Variants in LCP2 observed in about 807,000 individuals in gnomAD.
LCP2 encodes 76 kDa tyrosine phosphoprotein.
Under a neutral mutation model 74.5 loss-of-function variants are expected in LCP2, and 29 were observed. The observed-to-expected ratio is 0.39, with a 90% CI of 0.29 to 0.53. LCP2 has a LOEUF of 0.53. LCP2 is among the 20% of genes least tolerant of loss of function. The pLI is 0.72. For synonymous variants in LCP2, 228 were observed against 229.5 expected, an observed-to-expected ratio of 0.99 and a Z score of 0.06; for missense variants, 604 against 634.6, an observed-to-expected ratio of 0.95 and a Z score of 0.52.
intron 6 of LCP2, chr5:170,273,861 T>C (rs1664986194): frequency 6.2e-6 from 1 of 161,018 alleles, no homozygotes; most frequent in Non-Finnish European, 1.4e-5. Flanking sequence ...CGATGGGGAC[T>C]TAAGTCCATG....
At chr5:170,259,003 T>A in intron 14 of LCP2, 125 bp from the exon 15 acceptor site, 1 of 649,138 alleles carries the variant, frequency 1.5e-6, no homozygotes, top group Non-Finnish European at 2.7e-6. Context: ...CAGTTATACA[T>A]CTTCATAATA....
rs1761546087 is a variant in LCP2, at chr5:170,256,173, G to A, written c.1150+353C>T. Among the ~76,000 whole-genome samples the A allele has an allele frequency of 6.6e-6, 1 of 152,172 alleles. No homozygotes were observed. The highest frequency in any genetic ancestry group is 1.5e-5 in the Non-Finnish European group (1 of 68,034). On this transcript the variant is annotated intron_variant, in intron 17 of 20. Coordinates refer to ENST00000046794, the MANE Select transcript of LCP2 (RefSeq NM_005565.5). This position sits in a 1 kb window ranked among gnomAD's most constrained non-coding sequence, Gnocchi z 4.5. ...TGTAGGTGTGTCCATGTATGTATGT[G>A]TGTATGCATGTGCATGTGTGTGCAT...
At chr5:170,293,246 T>G in intron 2 of LCP2, 64 bp downstream of exon 2, 4 of 1,511,444 alleles carry the variant, frequency 2.6e-6, no homozygotes, top group South Asian at 2.4e-5. Context: ...CAGTTGGCCC[T>G]GCAGCCATGG....
At position 170,256,579 on chromosome 5, in the gene LCP2, AG is replaced by A. The variant is rs754852074; in HGVS notation, c.1101-5del. ...ACTCTGTGGAAAACTGCTGTTACTG[AG>A]GAGACAGAAAAAGAACAAAATTTAT... is the stretch of plus-strand genomic sequence containing the variant. On this transcript the variant is annotated splice_region_variant and splice_polypyrimidine_tract_variant and intron_variant, in intron 16 of 20. Coordinates refer to ENST00000046794, the MANE Select transcript of LCP2 (RefSeq NM_005565.5). This position sits in a 1 kb window ranked among gnomAD's most constrained non-coding sequence, Gnocchi z 4.5. 1 of 1,609,754 alleles carries A rather than the reference AG, an allele frequency of 6.2e-7. No individual in the cohort carries two copies. Among genetic ancestry groups the A allele is most frequent in the Non-Finnish European group, 8.5e-7 (1 of 1,176,130 alleles).
intron 3 of LCP2, among the ~76,000 whole-genome samples, chr5:170,287,182 TG>T (rs1762196584): frequency 6.6e-6 from 1 of 152,246 alleles, no homozygotes; most frequent in South Asian, 2.1e-4. Flanking sequence ...GGCTTTGCGA[TG>T]GCTACTTTTT....
At chr5:170,281,324 G>C (rs556634566) in intron 3 of LCP2, among the ~76,000 whole-genome samples, 16 of 151,894 alleles carry the variant, frequency 1.1e-4, no homozygotes, top group Non-Finnish European at 2.2e-4. Flanking sequence ...CTGTCCCCCA[G>C]GCTGGAGTGC....
intron 3 of LCP2, chr5:170,287,733 G>T: frequency 3.5e-6 from 2 of 569,596 alleles, no homozygotes; most frequent in Non-Finnish European, 6.3e-6. Flanking sequence ...ATTGGCCAGA[G>T]TTGGGCTTGT....
At chr5:170,262,918 C>T in intron 11 of LCP2, 49 bp downstream of exon 11, 3 of 1,613,986 alleles carry the variant, frequency 1.9e-6, no homozygotes, top group East Asian at 2.2e-5. Flanking sequence ...AGAATAAGGA[C>T]AAGATGTGAA....
At chr5:170,261,225 A>C in intron 13 of LCP2, 88 bp from the exon 14 acceptor site, 1 of 1,013,816 alleles carries the variant, frequency 9.9e-7, no homozygotes, top group Non-Finnish European at 1.5e-6. Context: ...TCATTGAATA[A>C]TGAGAAATCG....
chr5:170,282,799 C>T (rs973412192), intron 3 of LCP2, among the ~76,000 whole-genome samples: 5 of 152,218 alleles, frequency 3.3e-5, no homozygotes, highest in African/African-American at 1.2e-4. Flanking sequence ...CCTCAAGTCT[C>T]ACAGCCTGTG....
chr5:170,276,744 G>A lies in LCP2; in HGVS notation c.189-884C>T, dbSNP rs551282740. ...CTTAGTACCCACTGATGAGACCAGC[G>A]AGACCCTTAGTAGTCAATAGGCTTA... is the stretch of plus-strand genomic sequence containing the variant. On this transcript the variant is annotated intron_variant, in intron 3 of 20. Transcript: ENST00000046794. 1.5e-4 allele frequency among the ~76,000 whole-genome samples: 23 copies of A among 152,210 alleles called. No individual in the cohort carries two copies. The East Asian group carries it at 2.9e-3, about 19-fold the overall frequency.
chr5:170,264,362 C>T (rs984566353), intron 10 of LCP2, among the ~76,000 whole-genome samples: 6 of 152,230 alleles, frequency 3.9e-5, no homozygotes, highest in Admixed American at 1.3e-4. Context: ...TTAGTTAACT[C>T]GCCTTTCTTT....
intron 2 of LCP2, 52 bp downstream of exon 2, chr5:170,293,258 G>A (rs1762319746): frequency 2.6e-6 from 4 of 1,556,328 alleles, no homozygotes; most frequent in East Asian, 2.3e-5. Context: ...CAGCCATGGG[G>A]AAAAGTGCCG....
intron 3 of LCP2, among the ~76,000 whole-genome samples, chr5:170,276,121 A>C (rs1036097586): frequency 3.9e-5 from 6 of 152,112 alleles, no homozygotes; most frequent in African/African-American, 1.4e-4. Context: ...GAGCCTTCCA[A>C]GTCCAGCTCA....
rs779408817 is a variant in LCP2 at position 170,268,374 on chromosome 5, A to T, written c.621+11T>A. 50 of 545,924 alleles carry T rather than the reference A, an allele frequency of 9.2e-5. No individual in the cohort carries two copies. The highest frequency in any genetic ancestry group is 1.1e-4 in the Non-Finnish European group (46 of 406,638). The allele number at this position is 545,924 out of a possible 1,614,324, so 33.8% of individuals were successfully genotyped here. On this transcript the variant is annotated intron_variant, in intron 8 of 20. Transcript: ENST00000046794. ...ACACCAAGTACTGTAAAAGAACGGG[A>T]GGAGGCCTACCGAGTGATTCCGGCC... is the stretch of plus-strand genomic sequence containing the variant.
At chr5:170,283,769 G>A (rs553961841) in intron 3 of LCP2, among the ~76,000 whole-genome samples, 6 of 152,064 alleles carry the variant, frequency 3.9e-5, no homozygotes, top group Non-Finnish European at 5.9e-5. Flanking sequence ...CCCCACTGCC[G>A]CTCCACCAGG....
At chr5:170,257,829 T>C (rs1761582744) in intron 16 of LCP2, among the ~76,000 whole-genome samples, 1 of 152,064 alleles carries the variant, frequency 6.6e-6, no homozygotes, top group Non-Finnish European at 1.5e-5. Flanking sequence ...TCCTCACCCC[T>C]CTCACCTCAA....
chr5:170,269,086 C>T (rs1761841934), intron 7 of LCP2, among the ~76,000 whole-genome samples: 1 of 152,210 alleles, frequency 6.6e-6, no homozygotes, highest in Non-Finnish European at 1.5e-5. Context: ...GACACTTCCT[C>T]ATTTTGCTCA....
chr5:170,279,185 A>G (rs967638193), intron 3 of LCP2, among the ~76,000 whole-genome samples: 1 of 152,140 alleles, frequency 6.6e-6, no homozygotes, highest in African/African-American at 2.4e-5. Context: ...TGTTTAAGGG[A>G]CTAGCTGGCC....
Sources: gnomAD v4.1 joint callset for allele counts (sites outside exome capture counted in the v4.1 genomes callset) on GRCh38, gnomAD v4.1.1 for gene constraint, Gnocchi (gnomAD v3.1) non-coding constraint, MANE v1.5 for transcripts, NCBI Gene and HGNC (gene_info 2026-07-23, HGNC 2026-07-21) for gene names.